The following FER variants were observed in gnomAD, a reference collection of about 807,000 sequenced individuals.
FER encodes the protein tyrosine-protein kinase Fer.
Under a neutral mutation model 111.0 loss-of-function variants are expected in FER, and 63 were observed. That is an observed-to-expected ratio of 0.57 (90% CI 0.46 to 0.70). The LOEUF is 0.70. Ranked by LOEUF, FER falls within the 30% of genes least tolerant of loss-of-function variation. FER has a pLI of 0.00. For missense variants in FER, 914 were observed against 954.0 expected (o/e 0.96, Z 0.55); for synonymous variants, 327 against 313.9 (o/e 1.04, Z -0.44).
At chr5:108,790,045 G>A (rs369216522) in intron 2 of FER, among the ~76,000 whole-genome samples, 125 of 152,156 alleles carry the variant, frequency 8.2e-4, no homozygotes, top group African/African-American at 2.7e-3. Flanking sequence ...TAAAATATTC[G>A]TTGGGTGCAA....
chr5:108,929,583 T>C (rs1754274320), intron 10 of FER, among the ~76,000 whole-genome samples: 1 of 151,556 alleles, frequency 6.6e-6, no homozygotes. Flanking sequence ...GGAATTGGGC[T>C]TACAAAGAAG....
intron 5 of FER, among the ~76,000 whole-genome samples, chr5:108,864,349 A>G (rs1435436501): frequency 1.3e-5 from 2 of 152,018 alleles, no homozygotes; most frequent in African/African-American, 4.8e-5. Flanking sequence ...AAGCAAGGGA[A>G]TTCTATTTCT....
intron 10 of FER, among the ~76,000 whole-genome samples, chr5:108,900,873 A>G (rs772492479): frequency 1.3e-5 from 2 of 152,204 alleles, no homozygotes; most frequent in Non-Finnish European, 2.9e-5. Context: ...TTTTAGCTCT[A>G]TGAGTCAATG....
chr5:109,196,343 G>C lies in FER; in HGVS notation c.*8768G>C, dbSNP rs151186649. ...ACCTGCAAGCAGCATTTTGAGTAAA[G>C]CACTGCTGTGGTTTGCCGATTTATG... On this transcript the variant is annotated 3_prime_UTR_variant, in exon 20 of 20. Transcript: ENST00000281092. 407 of 152,336 alleles carry C rather than the reference G, an allele frequency of 2.7e-3. 2 individuals are homozygous for C. Among genetic ancestry groups the C allele is most frequent in the African/African-American group, 9.3e-3 (388 of 41,576 alleles). 9.4% of individuals were successfully genotyped at this position (152,336 alleles called of 1,614,324 possible). A position where few individuals can be genotyped will look rare whatever the true frequency, so the allele number is the denominator to read the frequency against.
intron 17 of FER, among the ~76,000 whole-genome samples, chr5:109,116,418 C>G (rs1032125120): frequency 1.6e-5 from 2 of 126,594 alleles, no homozygotes; most frequent in African/African-American, 6.2e-5. Context: ...TCAGATTATT[C>G]CCCCCGCCAA....
chr5:108,948,660 A>G (rs1187693135), intron 11 of FER, among the ~76,000 whole-genome samples: 2 of 152,108 alleles, frequency 1.3e-5, no homozygotes, highest in African/African-American at 2.4e-5. Context: ...CTTTCAAACC[A>G]TATTATATTT....
chr5:109,172,528 A>G (rs1757243541), intron 17 of FER, among the ~76,000 whole-genome samples: 1 of 145,332 alleles, frequency 6.9e-6, no homozygotes, highest in Admixed American at 6.8e-5. Context: ...AGATATACCT[A>G]ATGCTAAATG....
At chr5:109,122,944 G>A (rs552549427) in intron 17 of FER, among the ~76,000 whole-genome samples, 4 of 151,956 alleles carry the variant, frequency 2.6e-5, no homozygotes, top group Non-Finnish European at 5.9e-5. Context: ...TTATTTTCAG[G>A]ATATGTGTGT....
intron 17 of FER, among the ~76,000 whole-genome samples, chr5:109,170,096 C>T (rs1380835044): frequency 6.6e-6 from 1 of 152,024 alleles, no homozygotes; most frequent in Non-Finnish European, 1.5e-5. Context: ...TCTTTATGTG[C>T]CTTTTATATC....
intron 17 of FER, among the ~76,000 whole-genome samples, chr5:109,155,371 A>C (rs775301980): frequency 7.9e-5 from 12 of 152,118 alleles, no homozygotes; most frequent in Non-Finnish European, 8.8e-5. Context: ...TTAGTGTTCA[A>C]ACTAGGAAGA....
chr5:108,762,117 G>T (rs1206501316), intron 1 of FER, among the ~76,000 whole-genome samples: 1 of 151,984 alleles, frequency 6.6e-6, no homozygotes, highest in Non-Finnish European at 1.5e-5. Context: ...GTTTTACCAT[G>T]TTGGTCAGGC....
intron 3 of FER, among the ~76,000 whole-genome samples, chr5:108,806,901 T>G (rs915027649): frequency 1.3e-5 from 2 of 152,124 alleles, no homozygotes; most frequent in Admixed American, 6.5e-5. Context: ...GGGGGACTGT[T>G]GGGAAGGCGT....
chr5:109,034,979 A>G (rs1299756871), intron 13 of FER, among the ~76,000 whole-genome samples: 2 of 151,934 alleles, frequency 1.3e-5, no homozygotes, highest in Non-Finnish European at 2.9e-5. Context: ...TATATAAAAT[A>G]AAATTTTCCA....
At chr5:108,866,004 C>T (rs1764016021) in intron 5 of FER, among the ~76,000 whole-genome samples, 1 of 152,202 alleles carries the variant, frequency 6.6e-6, no homozygotes, top group Admixed American at 6.5e-5. Context: ...TAAACAAGTT[C>T]AACCATTGTG....
intron 5 of FER, among the ~76,000 whole-genome samples, chr5:108,845,019 T>TATATATACATATATATATATATAC (rs1761804216): frequency 1.9e-5 from 1 of 51,548 alleles, no homozygotes; most frequent in Non-Finnish European, 3.8e-5. Flanking sequence ...TATATATATA[T>TATATATACATATATATATATATAC]ATATATATAT....
At chr5:108,858,766 A>ATTTTTTTT (rs75243334) in intron 5 of FER, among the ~76,000 whole-genome samples, 6 of 124,728 alleles carry the variant, frequency 4.8e-5, no homozygotes, top group African/African-American at 5.7e-5. Flanking sequence ...CAGTTTTTTC[A>ATTTTTTTT]TTTTTTTTTT....
At chr5:108,759,809 AC>A (rs1751522073) in intron 1 of FER, among the ~76,000 whole-genome samples, 1 of 152,218 alleles carries the variant, frequency 6.6e-6, no homozygotes, top group African/African-American at 2.4e-5. Flanking sequence ...TAGGTTTGAG[AC>A]CTAAACACCT....
chr5:109,133,096 T>C (rs1417299745), intron 17 of FER, among the ~76,000 whole-genome samples: 1 of 152,174 alleles, frequency 6.6e-6, no homozygotes, highest in East Asian at 1.9e-4. Flanking sequence ...ACTTTCGGTT[T>C]TATTGGAAAG....
chr5:108,826,163 T>C (rs192323566), intron 3 of FER, among the ~76,000 whole-genome samples: 19 of 152,318 alleles, frequency 1.2e-4, no homozygotes, highest in African/African-American at 4.6e-4. Context: ...CCCAATACTC[T>C]TTGTGCATAT....
Sources: allele counts gnomAD v4.1 joint callset (sites outside exome capture counted in the v4.1 genomes callset), GRCh38; gene constraint gnomAD v4.1.1; transcripts MANE v1.5; gene names NCBI Gene and HGNC (gene_info 2026-07-23, HGNC 2026-07-21).